Variants in VAV1 observed in about 807,000 individuals in gnomAD.
VAV1 encodes the protein vav guanine nucleotide exchange factor 1.
VAV1 carries 33 observed loss-of-function variants against 128.1 expected under a neutral mutation model. The observed-to-expected ratio is 0.26, with a 90% CI of 0.20 to 0.34. The LOEUF is 0.34. VAV1 is among the 10% of genes least tolerant of loss of function. The probability of loss-of-function intolerance (pLI) is 1.00; values close to 1 mark genes in which losing one functional copy is unlikely to be tolerated. For missense variants in VAV1, 715 were observed against 1,093.7 expected, an observed-to-expected ratio of 0.65 and a Z score of 4.88; for synonymous variants, 394 against 409.8, an observed-to-expected ratio of 0.96 and a Z score of 0.47.
chr19:6,825,894 A>G (rs1400718403), intron 8 of VAV1, among the ~76,000 whole-genome samples: 1 of 152,048 alleles, frequency 6.6e-6, no homozygotes, highest in Non-Finnish European at 1.5e-5. Context: ...ACAACTAAAA[A>G]TACAAAAAAC....
chr19:6,833,675 T>C (rs1568310590), intron 17 of VAV1, 36 bp from the exon 18 acceptor site: 3 of 1,614,094 alleles, frequency 1.9e-6, no homozygotes, highest in Non-Finnish European at 8.5e-7. Context: ...CTTTGGAGGA[T>C]TTCCCGTTCT....
In VAV1 at chr19:6,833,925, G is replaced by A; in HGVS notation, c.1749G>A (p.Arg583=). The A allele has an allele frequency of 6.2e-7, 1 of 1,614,058 alleles. No homozygotes were observed. Among genetic ancestry groups the A allele is most frequent in the Non-Finnish European group, 8.5e-7 (1 of 1,180,026 alleles). Residue 583 remains arginine (R), a synonymous_variant, in exon 19 of 27, where the codon AGG becomes AGA. Coordinates refer to ENST00000602142, the MANE Select transcript of VAV1 (RefSeq NM_005428.4). ...GTMKKDKLHR[R]AQDKKRNELG... is the part of the protein sequence containing the mutation. ...CCTTCCAGGACAAACTACATCGCAG[G>A]GCTCAGGACAAAAAGAGGAATGAGC...
intron 1 of VAV1, among the ~76,000 whole-genome samples, chr19:6,792,559 C>G (rs1235189414): frequency 4.9e-5 from 7 of 144,068 alleles, no homozygotes; most frequent in Admixed American, 3.4e-4. Flanking sequence ...GCACATGGTT[C>G]TTTTTTCTGT....
At chr19:6,809,675 C>T (rs1477987199) in intron 1 of VAV1, among the ~76,000 whole-genome samples, 4 of 152,068 alleles carry the variant, frequency 2.6e-5, no homozygotes, top group African/African-American at 7.2e-5. Flanking sequence ...GTTAGATTTG[C>T]TGTATGAAGG....
At chr19:6,811,145 C>T (rs1387933346) in intron 1 of VAV1, among the ~76,000 whole-genome samples, 1 of 152,150 alleles carries the variant, frequency 6.6e-6, no homozygotes, top group East Asian at 1.9e-4. Flanking sequence ...AAGTGATCCT[C>T]CTGCCTCAGC....
intron 1 of VAV1, among the ~76,000 whole-genome samples, chr19:6,808,815 A>G (rs1971452907): frequency 6.6e-6 from 1 of 152,188 alleles, no homozygotes; most frequent in South Asian, 2.1e-4. Flanking sequence ...TGGTTAGCTA[A>G]TAACTTGGCT....
At chr19:6,846,928 T>G (rs1430550428) in intron 22 of VAV1, among the ~76,000 whole-genome samples, 1 of 149,556 alleles carries the variant, frequency 6.7e-6, no homozygotes, top group East Asian at 1.9e-4. Context: ...TTTTTTTTTT[T>G]TTGGAGACAG....
At chr19:6,854,736 G>A (rs1972753352) in intron 26 of VAV1, among the ~76,000 whole-genome samples, 1 of 152,104 alleles carries the variant, frequency 6.6e-6, no homozygotes, top group South Asian at 2.1e-4. Flanking sequence ...GAATAAAAGA[G>A]ATTGTGGTGG....
intron 1 of VAV1, among the ~76,000 whole-genome samples, chr19:6,781,531 C>T (rs1045118474): frequency 1.3e-5 from 2 of 151,976 alleles, no homozygotes; most frequent in African/African-American, 4.8e-5. Flanking sequence ...ATATTTTCTT[C>T]CTGTGATACA....
rs1453625094 is a variant in VAV1, at chr19:6,822,816, A to G, written c.654+302A>G. 6.8e-6 allele frequency among the ~76,000 whole-genome samples: 1 copy of G among 147,650 alleles called. No individual in the cohort carries two copies. The highest frequency in any genetic ancestry group is 1.5e-5 in the Non-Finnish European group (1 of 66,940). Reference sequence around the variant, plus strand: ...TCAAAAATATATAAATATATTAAACATATACATAAATAGAAAATATATAAA... The same window carrying G: ...TCAAAAATATATAAATATATTAAACGTATACATAAATAGAAAATATATAAA... On this transcript the variant is annotated intron_variant, in intron 6 of 26. Transcript: ENST00000602142. The surrounding 1 kb of genome is among the most constrained non-coding windows in gnomAD (Gnocchi z 5.9).
chr19:6,812,549 G>A (rs1182947480), intron 1 of VAV1, among the ~76,000 whole-genome samples: 2 of 152,054 alleles, frequency 1.3e-5, no homozygotes, highest in Admixed American at 6.6e-5. Context: ...AATCCCAGCT[G>A]TTCGAGAGGC....
chr19:6,837,113 G>A, intron 21 of VAV1, 63 bp downstream of exon 21: 1 of 1,559,002 alleles, frequency 6.4e-7, no homozygotes, highest in Non-Finnish European at 8.8e-7. Context: ...TGGGAGGATG[G>A]ACAGACTTGG....
In VAV1 at chr19:6,772,710, C is replaced by A; in HGVS notation, c.-98C>A. The A allele has an allele frequency of 7.7e-7, 1 of 1,301,956 alleles. No homozygotes were observed. The highest frequency in any genetic ancestry group is 1.1e-6 in the Non-Finnish European group (1 of 948,028). The allele number at this position is 1,301,956 out of a possible 1,614,324, so 80.7% of individuals were successfully genotyped here. A position where few individuals can be genotyped will look rare whatever the true frequency, so the allele number is the denominator to read the frequency against. Reference sequence around the variant, plus strand: ...ACAGGCAAAGAAGAGGAAGTGGTAGCACTAGCTGTCGCTCCACAGGCGAGC... The same window carrying A: ...ACAGGCAAAGAAGAGGAAGTGGTAGAACTAGCTGTCGCTCCACAGGCGAGC... On this transcript the variant is annotated 5_prime_UTR_variant, in exon 1 of 27. Transcript: ENST00000602142. This position sits in a 1 kb window ranked among gnomAD's most constrained non-coding sequence, Gnocchi z 4.8.
Position 6,777,937 on chromosome 19 carries a change from A to G in VAV1, c.204+4926A>G, listed in dbSNP as rs532519535. 1.7e-4 allele frequency among the ~76,000 whole-genome samples: 26 copies of G among 151,994 alleles called. No individual in the cohort carries two copies. In the South Asian group the frequency reaches 5.2e-3, roughly 30 times the overall value. ...TGCAGCAGCCTCCTGAGTATCTGGG[A>G]TTACAGGCGCCTGCCACCACGCCTG... On this transcript the variant is annotated intron_variant, in intron 1 of 26. Coordinates refer to ENST00000602142, the MANE Select transcript of VAV1 (RefSeq NM_005428.4). The surrounding 1 kb of genome is among the most constrained non-coding windows in gnomAD (Gnocchi z 4.4).
intron 18 of VAV1, 35 bp from the exon 19 acceptor site, chr19:6,833,873 A>C (rs1414208302): frequency 6.2e-7 from 1 of 1,613,988 alleles, no homozygotes; most frequent in East Asian, 2.2e-5. Flanking sequence ...CAGGCTGGGC[A>C]TAGGTAGACA....
chr19:6,810,568 G>C (rs1971492879), intron 1 of VAV1, among the ~76,000 whole-genome samples: 1 of 152,070 alleles, frequency 6.6e-6, no homozygotes, highest in Non-Finnish European at 1.5e-5. Context: ...AGCCAGGCGT[G>C]GTGGCGGGCG....
chr19:6,820,965 G>A lies in VAV1; in HGVS notation c.321+147G>A. 1 of 750,860 alleles carries A rather than the reference G, an allele frequency of 1.3e-6. No individual in the cohort carries two copies. 46.5% of individuals were successfully genotyped at this position (750,860 alleles called of 1,614,324 possible). A position where few individuals can be genotyped will look rare whatever the true frequency, so the allele number is the denominator to read the frequency against. ...CGCAAATAGCACTGGCTTGGGATAT[G>A]TGGAACTGGGTTTGAGTTCCTGCTC... is the stretch of plus-strand genomic sequence containing the variant. On this transcript the variant is annotated intron_variant, in intron 2 of 26. Transcript: ENST00000602142. The surrounding 1 kb of genome is among the most constrained non-coding windows in gnomAD (Gnocchi z 4.4).
intron 1 of VAV1, among the ~76,000 whole-genome samples, chr19:6,786,427 A>C (rs1190370154): frequency 2.0e-5 from 3 of 152,028 alleles, no homozygotes; most frequent in Non-Finnish European, 4.4e-5. Flanking sequence ...CTGCCACTGC[A>C]CTCCAGCCTG....
chr19:6,856,777 G>C (rs1418644241), intron 26 of VAV1, among the ~76,000 whole-genome samples: 3 of 151,674 alleles, frequency 2.0e-5, no homozygotes, highest in Non-Finnish European at 4.4e-5. Context: ...AGGGGCTAAG[G>C]AGTGTTGGGG....
Sources: allele counts gnomAD v4.1 joint callset (sites outside exome capture counted in the v4.1 genomes callset), GRCh38; gene constraint gnomAD v4.1.1; non-coding constraint Gnocchi (gnomAD v3.1); transcripts MANE v1.5; gene names NCBI Gene and HGNC (gene_info 2026-07-23, HGNC 2026-07-21).